Variants in SBK1 observed in about 807,000 individuals in gnomAD.
The protein encoded by SBK1 is serine/threonine-protein kinase SBK1.
A neutral mutation model predicts 24.4 loss-of-function variants in SBK1; 11 were observed. That is an observed-to-expected ratio of 0.45 (90% CI 0.28 to 0.75). SBK1 has a LOEUF of 0.75. SBK1 is among the 30% of genes least tolerant of loss of function. SBK1 has a pLI of 0.12. For synonymous variants in SBK1, 308 were observed against 284.4 expected (o/e 1.08, Z -0.83); for missense variants, 467 against 620.5 (o/e 0.75, Z 2.63).
At chr16:28,297,467 A>G (rs566886304) in intron 1 of SBK1, among the ~76,000 whole-genome samples, 48 of 152,280 alleles carry the variant, frequency 3.2e-4, no homozygotes, top group Non-Finnish European at 5.7e-4. Context: ...CCTTTTTCTG[A>G]ACACAGGTCT....
intron 1 of SBK1, among the ~76,000 whole-genome samples, chr16:28,307,081 C>T (rs2044721535): frequency 6.6e-6 from 1 of 152,126 alleles, no homozygotes; most frequent in African/African-American, 2.4e-5. Flanking sequence ...CAGTGCAGTA[C>T]AGATGGGGGT....
intron 2 of SBK1, among the ~76,000 whole-genome samples, chr16:28,318,287 C>A (rs1044989359): frequency 1.3e-5 from 2 of 152,332 alleles, no homozygotes; most frequent in African/African-American, 4.8e-5. Flanking sequence ...CACAGCTGCA[C>A]GCGCTTGGGT....
At chr16:28,274,252 T>G (rs758443189) in intron 1 of SBK1, among the ~76,000 whole-genome samples, 1 of 152,210 alleles carries the variant, frequency 6.6e-6, no homozygotes, top group Non-Finnish European at 1.5e-5. Flanking sequence ...TTCATCAGTT[T>G]TAACAAGTGC....
At chr16:28,276,905 C>A (rs1296278857) in intron 1 of SBK1, among the ~76,000 whole-genome samples, 1 of 152,130 alleles carries the variant, frequency 6.6e-6, no homozygotes, top group African/African-American at 2.4e-5. Context: ...ACCTCATGAT[C>A]TGCCTGCCTC....
intron 2 of SBK1, 74 bp from the exon 3 acceptor site, chr16:28,318,921 G>C: frequency 9.1e-7 from 1 of 1,098,714 alleles, no homozygotes; most frequent in Non-Finnish European, 1.4e-6. Flanking sequence ...AGGGTCCAGA[G>C]ACAGGCATGG....
At chr16:28,310,352 C>T (rs1346340581) in intron 1 of SBK1, among the ~76,000 whole-genome samples, 6 of 152,208 alleles carry the variant, frequency 3.9e-5, no homozygotes, top group African/African-American at 1.2e-4. Context: ...GAGGCAGGGA[C>T]GACCAATGAC....
intron 1 of SBK1, among the ~76,000 whole-genome samples, chr16:28,270,943 A>G (rs1005995862): frequency 9.9e-5 from 15 of 151,874 alleles, no homozygotes; most frequent in Non-Finnish European, 2.1e-4. Flanking sequence ...CGCTCACTGC[A>G]AGCTCCGCCT....
At chr16:28,300,497 A>C (rs1213636248) in intron 1 of SBK1, among the ~76,000 whole-genome samples, 2 of 148,454 alleles carry the variant, frequency 1.3e-5, no homozygotes, top group African/African-American at 5.0e-5. Flanking sequence ...TTTTTTTTTT[A>C]ATGTTTTATA....
At chr16:28,262,076 G>A (rs1191825279) in intron 1 of SBK1, among the ~76,000 whole-genome samples, 2 of 152,202 alleles carry the variant, frequency 1.3e-5, no homozygotes, top group East Asian at 1.9e-4. Flanking sequence ...AATACTGAGT[G>A]ATGTGTCCGC....
chr16:28,293,200 C>A lies in SBK1; in HGVS notation c.-108C>A. On this transcript the variant is annotated 5_prime_UTR_variant, in exon 1 of 4. Transcript: ENST00000341901. ...GCCCCTGGCGGCACCGCTTGCACCCCGGTCCATGGTCGTGGCGCCCTGAGC... is the reference window on the plus strand; with the variant it reads ...GCCCCTGGCGGCACCGCTTGCACCCAGGTCCATGGTCGTGGCGCCCTGAGC... 1.0e-6 allele frequency: 1 copy of A among 985,530 alleles called. No homozygotes were observed. The highest frequency in any genetic ancestry group is 4.7e-5 in the South Asian group (1 of 21,294). 61.0% of individuals were successfully genotyped at this position (985,530 alleles called of 1,614,324 possible). A position where few individuals can be genotyped will look rare whatever the true frequency, so the allele number is the denominator to read the frequency against.
At chr16:28,297,695 G>A (rs955050824) in intron 1 of SBK1, among the ~76,000 whole-genome samples, 2 of 152,200 alleles carry the variant, frequency 1.3e-5, no homozygotes, top group Non-Finnish European at 2.9e-5. Flanking sequence ...AGGGACCTAG[G>A]ACAGGGTATC....
At chr16:28,284,661 C>G (rs568880842) in intron 1 of SBK1, among the ~76,000 whole-genome samples, 1 of 152,202 alleles carries the variant, frequency 6.6e-6, no homozygotes, top group Admixed American at 6.5e-5. Flanking sequence ...ATAATCAGGC[C>G]GGGCGCAGTG....
At position 28,317,374 on chromosome 16, in the gene SBK1, C is replaced by G; in HGVS notation, c.-7-11C>G. On this transcript the variant is annotated splice_polypyrimidine_tract_variant and intron_variant, in intron 1 of 3. Transcript: ENST00000341901. The surrounding 1 kb of genome is among the most constrained non-coding windows in gnomAD (Gnocchi z 4.2). ...ATGTCACACTTCATGCTCACCACCCCTACCCAACAGGGAGAAGATGAGCGT... is the reference window on the plus strand; with the variant it reads ...ATGTCACACTTCATGCTCACCACCCGTACCCAACAGGGAGAAGATGAGCGT... 6.2e-7 allele frequency: 1 copy of G among 1,606,888 alleles called. No homozygotes were observed. The highest frequency in any genetic ancestry group is 1.1e-5 in the South Asian group (1 of 90,872).
chr16:28,281,527 G>A (rs558742417), intron 1 of SBK1, among the ~76,000 whole-genome samples: 1 of 152,304 alleles, frequency 6.6e-6, no homozygotes, highest in African/African-American at 2.4e-5. Context: ...AAATGGAATC[G>A]GGTGGGAGGA....
intron 1 of SBK1, among the ~76,000 whole-genome samples, chr16:28,273,522 C>A (rs1454974184): frequency 6.6e-6 from 1 of 152,204 alleles, no homozygotes; most frequent in Non-Finnish European, 1.5e-5. Context: ...CCATGCCCGG[C>A]CATAGGTTGT....
In SBK1 at chr16:28,292,700, C is replaced by G. The variant is rs1175987268; in HGVS notation, c.-608C>G. The G allele has an allele frequency of 2.0e-6, 2 of 984,382 alleles. No individual in the cohort carries two copies. The highest frequency in any genetic ancestry group is 3.5e-5 in the African/African-American group (2 of 57,142). 61.0% of individuals were successfully genotyped at this position (984,382 alleles called of 1,614,324 possible). ...CCCAGCGGCTGAGGGGCTTCCAGCG[C>G]CCGCCGGTGGCCGGGACCCACTAAA... On this transcript the variant is annotated 5_prime_UTR_variant, in exon 1 of 4. Transcript: ENST00000341901.
At chr16:28,287,448 CAAA>C (rs751846795) in intron 1 of SBK1, among the ~76,000 whole-genome samples, 6 of 80,106 alleles carry the variant, frequency 7.5e-5, no homozygotes, top group African/African-American at 9.1e-5. Flanking sequence ...GACTCCATCT[CAAA>C]AAAAAAAAAA....
intron 1 of SBK1, chr16:28,286,097 C>T (rs954167064): frequency 4.6e-5 from 7 of 152,320 alleles, no homozygotes; most frequent in African/African-American, 1.7e-4. Context: ...ATTCCAGGAT[C>T]CATCACCCAC....
chr16:28,291,881 G>C (rs1280700728), upstream of SBK1: 1 of 152,258 alleles, frequency 6.6e-6, no homozygotes, highest in Non-Finnish European at 1.5e-5. Context: ...ACCTCAGTTG[G>C]ATAGGGCAAC....
Sources: gnomAD v4.1 joint callset for allele counts (sites outside exome capture counted in the v4.1 genomes callset) on GRCh38, gnomAD v4.1.1 for gene constraint, Gnocchi (gnomAD v3.1) non-coding constraint, MANE v1.5 for transcripts, NCBI Gene and HGNC (gene_info 2026-07-23, HGNC 2026-07-21) for gene names.